The following PRKCD variants were observed in gnomAD, a reference collection of about 807,000 sequenced individuals.
The protein encoded by PRKCD is protein kinase C delta type.
PRKCD carries 20 observed loss-of-function variants against 82.2 expected under a neutral mutation model. That is an observed-to-expected ratio of 0.24 (90% CI 0.17 to 0.35). PRKCD has a LOEUF of 0.35. PRKCD is among the 10% of genes least tolerant of loss of function. The pLI is 1.00. For missense variants in PRKCD, 607 were observed against 899.0 expected, an observed-to-expected ratio of 0.68 and a Z score of 4.15; for synonymous variants, 317 against 337.0, an observed-to-expected ratio of 0.94 and a Z score of 0.65.
At chr3:53,181,122 C>T in intron 4 of PRKCD, 85 bp from the exon 5 acceptor site, 2 of 1,461,214 alleles carry the variant, frequency 1.4e-6, no homozygotes, top group Non-Finnish European at 1.9e-6. Context: ...CTTGGGGGAC[C>T]AGCCATGGGG....
Position 53,185,580 on chromosome 3 carries a change from C to T in PRKCD, c.889-24C>T, listed in dbSNP as rs112176675. 681 of 1,602,296 alleles carry T rather than the reference C, an allele frequency of 4.3e-4. 1 individual carries two copies. In the African/African-American group the frequency reaches 7.2e-3, roughly 17 times the overall value. ...TCTGATAATGGTCTGACCATCTGGC[C>T]CCCCACCTCTGCTCCCTCCCCAGAG... On this transcript the variant is annotated intron_variant, in intron 10 of 18. Transcript: ENST00000330452.
chr3:53,192,358 G>C lies in PRKCD; in HGVS notation c.*92G>C, dbSNP rs1575547446. ...CAGTGGGACTGTGGTGACTTCTGCT[G>C]CTGGCCCCGCCCCTGCCCCCAGAGC... On this transcript the variant is annotated 3_prime_UTR_variant, in exon 19 of 19. Coordinates refer to ENST00000330452, the MANE Select transcript of PRKCD (RefSeq NM_006254.4). 1 of 1,482,888 alleles carries C rather than the reference G, an allele frequency of 6.7e-7. No homozygotes were observed. Among genetic ancestry groups the C allele is most frequent in the African/African-American group, 1.4e-5 (1 of 72,070 alleles). 91.9% of individuals were successfully genotyped at this position (1,482,888 alleles called of 1,614,324 possible).
intron 2 of PRKCD, among the ~76,000 whole-genome samples, chr3:53,166,471 G>A (rs782040139): frequency 6.6e-6 from 1 of 152,202 alleles, no homozygotes; most frequent in Non-Finnish European, 1.5e-5. Context: ...TGGCAAGCTA[G>A]GCTGCAGTGG....
In PRKCD at chr3:53,190,005, T is replaced by A. The variant is rs201052060; in HGVS notation, c.1872+4T>A. Reference sequence around the variant, plus strand: ...GCCACCTTTCAGGCCCAAAGTGGTATGTGATCCTGCCCTGTGCTGCCTTCA... The same window carrying A: ...GCCACCTTTCAGGCCCAAAGTGGTAAGTGATCCTGCCCTGTGCTGCCTTCA... On this transcript the variant is annotated splice_donor_region_variant and intron_variant, in intron 18 of 18. Coordinates refer to ENST00000330452, the MANE Select transcript of PRKCD (RefSeq NM_006254.4). The A allele has an allele frequency of 3.1e-6, 5 of 1,613,852 alleles. No homozygotes were observed. The South Asian group carries it at 4.4e-5, about 14-fold the overall frequency.
At chr3:53,167,398 C>A (rs782651182) in intron 2 of PRKCD, among the ~76,000 whole-genome samples, 5 of 152,166 alleles carry the variant, frequency 3.3e-5, no homozygotes, top group Non-Finnish European at 5.9e-5. Flanking sequence ...TTGCTCTGAG[C>A]CTGTAAGCCG....
At chr3:53,180,114 T>G (rs1703381836) in intron 4 of PRKCD, among the ~76,000 whole-genome samples, 1 of 152,238 alleles carries the variant, frequency 6.6e-6, no homozygotes. Context: ...ACATAGCAGG[T>G]GCTAAAGACG....
chr3:53,185,982 C>A lies in PRKCD; in HGVS notation c.1041C>A (p.Asn347Lys), dbSNP rs1553668947. 3.1e-6 allele frequency: 5 copies of A among 1,614,134 alleles called. No individual in the cohort carries two copies. Among genetic ancestry groups the A allele is most frequent in the African/African-American group, 1.3e-5 (1 of 74,940 alleles). ...AGGGCAGCAGCAAGTGCAACATCAA[C>A]AACTTCATCTTCCACAAGGTCCTGG... is the stretch of plus-strand genomic sequence containing the variant. ...IWEGSSKCNI[N>K]NFIFHKVLGK... Residue 347 changes from asparagine (N) to lysine (K), a missense_variant, in exon 12 of 19, where the codon AAC becomes AAA. Asn to Lys is a moderately conservative substitution (Grantham distance 94, BLOSUM62 0). Transcript: ENST00000330452.
At chr3:53,178,660 T>C in intron 3 of PRKCD, 123 bp downstream of exon 3, 1 of 784,554 alleles carries the variant, frequency 1.3e-6, no homozygotes, top group East Asian at 2.8e-5. Flanking sequence ...CATCCTTGAC[T>C]CCCTGCCCCA....
chr3:53,188,920 A>G, intron 16 of PRKCD, 62 bp downstream of exon 16: 1 of 1,601,992 alleles, frequency 6.2e-7, no homozygotes. Flanking sequence ...ACGGTGGGCC[A>G]GGGAAGGATT....
chr3:53,192,248 G>C lies in PRKCD; in HGVS notation c.2013G>C (p.Glu671Asp). The C allele has an allele frequency of 6.2e-7, 1 of 1,614,056 alleles. No individual in the cohort carries two copies. The highest frequency in any genetic ancestry group is 1.3e-5 in the African/African-American group (1 of 74,982). The stretch of plus-strand genomic sequence containing the variant: ...TCTCCTTTGTGAACCCCAAATTCGA[G>C]CACCTCCTGGAAGATTGAGGTTCCT... Reference protein sequence around the residue: ...AGFSFVNPKFEHLLED With the variant: ...AGFSFVNPKFDHLLED Residue 671 changes from glutamate (E) to aspartate (D), a missense_variant, in exon 19 of 19, where the codon GAG (glutamate) becomes GAC (aspartate). By Grantham distance (45) the Glu-to-Asp change is conservative. This residue lies in a region of PRKCD where 251 missense variants were observed against 423.9 expected (regional missense o/e 0.59). Coordinates refer to ENST00000330452, the MANE Select transcript of PRKCD (RefSeq NM_006254.4).
intron 2 of PRKCD, among the ~76,000 whole-genome samples, chr3:53,166,515 C>T (rs116770919): frequency 0.016 from 2,408 of 152,336 alleles, 65 homozygotes; most frequent in African/African-American, 0.055. Context: ...AGTTCCTGTA[C>T]GTGCACCACA....
intron 2 of PRKCD, among the ~76,000 whole-genome samples, chr3:53,168,606 C>T (rs1702909466): frequency 6.6e-6 from 1 of 151,978 alleles, no homozygotes; most frequent in Non-Finnish European, 1.5e-5. Context: ...CTTGCCTCGT[C>T]TGTGAAATGG....
intron 18 of PRKCD, among the ~76,000 whole-genome samples, chr3:53,191,322 C>T (rs1265435446): frequency 6.6e-6 from 1 of 152,158 alleles, no homozygotes; most frequent in African/African-American, 2.4e-5. Context: ...GCAGGAGAAT[C>T]GCTTGAACCC....
At chr3:53,174,462 C>T (rs543572214) in intron 2 of PRKCD, among the ~76,000 whole-genome samples, 1 of 152,344 alleles carries the variant, frequency 6.6e-6, no homozygotes, top group East Asian at 1.9e-4. Context: ...AGCGGCCTTC[C>T]TCTGGGGCCT....
Position 53,179,784 on chromosome 3 carries a change from G to T in PRKCD, c.315+8G>T. On this transcript the variant is annotated splice_region_variant and intron_variant, in intron 4 of 18. Transcript: ENST00000330452. ...GGCAAGGCTGAGTTCTGGGTAAGGG[G>T]CGCACGAGCCGTGCCGTGTGTGTGT... 1.9e-6 allele frequency: 3 copies of T among 1,553,884 alleles called. No individual in the cohort carries two copies. Among genetic ancestry groups the T allele is most frequent in the Non-Finnish European group, 2.6e-6 (3 of 1,148,782 alleles).
chr3:53,187,531 G>A lies in PRKCD; in HGVS notation c.1415+129G>A, dbSNP rs1667530524. On this transcript the variant is annotated intron_variant, in intron 15 of 18. Transcript: ENST00000330452. The stretch of plus-strand genomic sequence containing the variant: ...CTGCTGGAAATCAATCTTTAGCTGG[G>A]TATTTGCCTATGCCTCCCACCCTGG... The A allele has an allele frequency of 3.6e-6, 4 of 1,111,876 alleles. No homozygotes were observed. The Admixed American group carries it at 6.9e-5, about 19-fold the overall frequency. The allele number at this position is 1,111,876 out of a possible 1,614,324, so 68.9% of individuals were successfully genotyped here.
chr3:53,166,209 G>T (rs531414025), intron 2 of PRKCD, among the ~76,000 whole-genome samples: 2 of 152,320 alleles, frequency 1.3e-5, no homozygotes, highest in African/African-American at 4.8e-5. Flanking sequence ...TCTGGGGTAG[G>T]AGTTGGGACA....
chr3:53,178,807 T>G (rs1295726508), intron 3 of PRKCD, among the ~76,000 whole-genome samples: 1 of 152,234 alleles, frequency 6.6e-6, no homozygotes, highest in African/African-American at 2.4e-5. Flanking sequence ...CATGTCCATT[T>G]GTGCCAGGGC....
At chr3:53,186,513 C>T in intron 13 of PRKCD, 91 bp from the exon 14 acceptor site, 1 of 1,398,828 alleles carries the variant, frequency 7.1e-7, no homozygotes, top group South Asian at 1.3e-5. Context: ...CCTGTCCCTG[C>T]TGTTTCCTGT....
Sources: gnomAD v4.1 joint callset for allele counts (sites outside exome capture counted in the v4.1 genomes callset) on GRCh38, gnomAD v4.1.1 for gene constraint, gnomAD v4.1.1 regional missense constraint, MANE v1.5 for transcripts, NCBI Gene and HGNC (gene_info 2026-07-23, HGNC 2026-07-21) for gene names.